The following TTC27 variants were observed in gnomAD, a reference collection of about 807,000 sequenced individuals.
TTC27 encodes tetratricopeptide repeat domain 27.
TTC27 carries 79 observed loss-of-function variants against 115.9 expected under a neutral mutation model. The ratio of observed to expected loss-of-function variants is 0.68; its 90% confidence interval spans 0.57 to 0.82. The LOEUF is 0.82. Ranked by LOEUF, TTC27 falls within the 40% of genes least tolerant of loss-of-function variation. The pLI is 0.00. For synonymous variants in TTC27, 401 were observed against 356.0 expected (o/e 1.13, Z -1.42); for missense variants, 1,054 against 993.1 (o/e 1.06, Z -0.82).
chr2:32,678,799 T>G (rs1441595388), intron 8 of TTC27, 57 bp from the exon 9 acceptor site: 2 of 1,308,946 alleles, frequency 1.5e-6, no homozygotes, highest in African/African-American at 3.0e-5. Context: ...AAAATTATAT[T>G]TCATTAGCTA....
chr2:32,772,985 GTCGTCTT>G (rs1260244838), intron 13 of TTC27, among the ~76,000 whole-genome samples: 26 of 152,156 alleles, frequency 1.7e-4, no homozygotes, highest in African/African-American at 6.3e-4. Context: ...TTGAATCCCA[GTCGTCTT>G]TCTCCTCTAT....
intron 10 of TTC27, among the ~76,000 whole-genome samples, chr2:32,716,542 T>C (rs1055868619): frequency 6.6e-6 from 1 of 152,194 alleles, no homozygotes; most frequent in African/African-American, 2.4e-5. Flanking sequence ...GTCAACTTTT[T>C]AGATAGAATC....
rs140809553 is a variant in TTC27 at position 32,776,426 on chromosome 2, C to A, written c.1681-1456C>A. 1.8e-4 allele frequency among the ~76,000 whole-genome samples: 27 copies of A among 152,218 alleles called. No individual in the cohort carries two copies. The East Asian group carries it at 4.6e-3, about 26-fold the overall frequency. The stretch of plus-strand genomic sequence containing the variant: ...GAGAACAGAGTACCTCATTTTCTTT[C>A]CTAACCTAAACTGTCCAAGTAAATC... On this transcript the variant is annotated intron_variant, in intron 13 of 19. Transcript: ENST00000317907.
At chr2:32,715,968 CTTAA>C (rs1385021518) in intron 10 of TTC27, among the ~76,000 whole-genome samples, 4 of 56,428 alleles carry the variant, frequency 7.1e-5, no homozygotes, top group Non-Finnish European at 1.4e-4. Flanking sequence ...TGTCACTGTT[CTTAA>C]TTGTTTTAAT....
At chr2:32,641,416 T>C (rs1004673441) in intron 4 of TTC27, among the ~76,000 whole-genome samples, 2 of 152,366 alleles carry the variant, frequency 1.3e-5, no homozygotes, top group African/African-American at 4.8e-5. Context: ...GAAACTTACA[T>C]TTTCTATACT....
Position 32,736,718 on chromosome 2 carries a change from G to C in TTC27, c.1354G>C (p.Glu452Gln). 6.2e-7 allele frequency: 1 copy of C among 1,613,936 alleles called. No homozygotes were observed. Among genetic ancestry groups the C allele is most frequent in the Non-Finnish European group, 8.5e-7 (1 of 1,179,904 alleles). The change falls in exon 12 of 20, where the codon GAG becomes CAG. Residue 452 changes from glutamate to glutamine, a missense_variant. Transcript: ENST00000317907. Reference sequence around the variant, plus strand: ...GCGCCAACTTGCAAGTTTGCTCTTTGAGTTGGGATGTACCAGTTCAGCCCT... The same window carrying C: ...GCGCCAACTTGCAAGTTTGCTCTTTCAGTTGGGATGTACCAGTTCAGCCCT... ...IQRQLASLLFELGCTSSALQI... is the reference protein window; with the variant it reads ...IQRQLASLLFQLGCTSSALQI...
At chr2:32,678,822 T>C (rs544515822) in intron 8 of TTC27, 34 bp from the exon 9 acceptor site, 1 of 1,510,268 alleles carries the variant, frequency 6.6e-7, no homozygotes, top group Non-Finnish European at 9.1e-7. Flanking sequence ...ACATGCATCT[T>C]ATAATTAATT....
Position 32,758,502 on chromosome 2 carries a change from A to G in TTC27, c.1663A>G (p.Lys555Glu). Residue 555 changes from lysine (K) to glutamate (E), a missense_variant, in exon 13 of 20, where the codon AAG becomes GAG. Transcript: ENST00000317907. The part of the protein sequence containing the change: ...ECVECFERSV[K>E]INPMQLGVWF... ...TGTAGAGTGCTTCGAACGCTCGGTTAAGATTAATCCCATGCAGGTTAGACA... is the reference window on the plus strand; with the variant it reads ...TGTAGAGTGCTTCGAACGCTCGGTTGAGATTAATCCCATGCAGGTTAGACA... The G allele has an allele frequency of 1.2e-6, 2 of 1,614,152 alleles. No individual in the cohort carries two copies. Among genetic ancestry groups the G allele is most frequent in the Non-Finnish European group, 1.7e-6 (2 of 1,180,018 alleles).
At chr2:32,800,510 T>C (rs1402627925) in intron 16 of TTC27, among the ~76,000 whole-genome samples, 1 of 150,030 alleles carries the variant, frequency 6.7e-6, no homozygotes, top group Non-Finnish European at 1.5e-5. Flanking sequence ...TTATCATTAT[T>C]TTTTTGAGAC....
chr2:32,764,749 A>T (rs1171538926), intron 13 of TTC27, among the ~76,000 whole-genome samples: 1 of 152,266 alleles, frequency 6.6e-6, no homozygotes, highest in East Asian at 1.9e-4. Context: ...TTATCAATCA[A>T]GTTTATGTAA....
chr2:32,698,732 G>T (rs183525279), intron 9 of TTC27, among the ~76,000 whole-genome samples: 7 of 151,326 alleles, frequency 4.6e-5, no homozygotes, highest in African/African-American at 1.7e-4. Context: ...CGCCCGCCTC[G>T]GCCTCCCAAA....
At chr2:32,635,907 C>A (rs1664406520) in intron 3 of TTC27, among the ~76,000 whole-genome samples, 1 of 152,064 alleles carries the variant, frequency 6.6e-6, no homozygotes, top group African/African-American at 2.4e-5. Context: ...CTAATTATAA[C>A]TGAAAGGTTA....
chr2:32,816,208 T>G (rs887759562), intron 18 of TTC27, among the ~76,000 whole-genome samples: 1 of 152,002 alleles, frequency 6.6e-6, no homozygotes, highest in Admixed American at 6.6e-5. Flanking sequence ...TCCCAGCTAC[T>G]TGAGAGGCTG....
At chr2:32,667,478 G>T (rs1238677097) in intron 7 of TTC27, among the ~76,000 whole-genome samples, 2 of 146,846 alleles carry the variant, frequency 1.4e-5, no homozygotes, top group East Asian at 2.0e-4. Context: ...GTGTAGTGGC[G>T]TAATCTCGGC....
chr2:32,754,855 C>T (rs1180569470), intron 12 of TTC27, among the ~76,000 whole-genome samples: 13 of 140,890 alleles, frequency 9.2e-5, no homozygotes, highest in Admixed American at 3.5e-4. Context: ...CCGGACGGGG[C>T]GGCTGGCCAG....
chr2:32,758,633 C>T (rs1397763155), intron 13 of TTC27, 114 bp downstream of exon 13: 9 of 958,006 alleles, frequency 9.4e-6, no homozygotes, highest in Non-Finnish European at 1.2e-5. Flanking sequence ...TTGTTTTTGA[C>T]AGCTAAGAAC....
intron 13 of TTC27, among the ~76,000 whole-genome samples, chr2:32,768,281 G>C (rs1206191098): frequency 6.6e-6 from 1 of 151,932 alleles, no homozygotes; most frequent in South Asian, 2.1e-4. Context: ...AATAATTTTT[G>C]AATAGAATCA....
intron 10 of TTC27, among the ~76,000 whole-genome samples, chr2:32,710,673 C>A (rs1019382334): frequency 2.6e-5 from 4 of 151,752 alleles, no homozygotes; most frequent in African/African-American, 7.3e-5. Flanking sequence ...AAGTGATCTG[C>A]CTGCCTCAGC....
At chr2:32,675,194 C>T (rs1014238598) in intron 8 of TTC27, among the ~76,000 whole-genome samples, 1 of 152,160 alleles carries the variant, frequency 6.6e-6, no homozygotes, top group Non-Finnish European at 1.5e-5. Flanking sequence ...ATGACTTCTT[C>T]AGAATTACAG....
Sources: gnomAD v4.1 joint callset for allele counts (sites outside exome capture counted in the v4.1 genomes callset) on GRCh38, gnomAD v4.1.1 for gene constraint, MANE v1.5 for transcripts, NCBI Gene and HGNC (gene_info 2026-07-23, HGNC 2026-07-21) for gene names.